The following RERE variants were observed in gnomAD, a reference collection of about 807,000 sequenced individuals.
RERE encodes the protein arginine-glutamic acid dipeptide repeats protein.
A neutral mutation model predicts 146.1 loss-of-function variants in RERE; 40 were observed. That is an observed-to-expected ratio of 0.27 (90% CI 0.21 to 0.36). The LOEUF (loss-of-function observed/expected upper bound fraction) is 0.36. Among genes scored for constraint, RERE ranks in the 10% least tolerant of loss-of-function variants. RERE has a pLI of 1.00. For synonymous variants in RERE, 1,003 were observed against 866.0 expected, an observed-to-expected ratio of 1.16 and a Z score of -2.78; for missense variants, 1,933 against 2,138.7, an observed-to-expected ratio of 0.90 and a Z score of 1.90.
intron 1 of RERE, among the ~76,000 whole-genome samples, chr1:8,780,850 G>A (rs1487585916): frequency 2.1e-4 from 32 of 152,110 alleles, no homozygotes; most frequent in Admixed American, 2.1e-3. Context: ...GAATTCCCAA[G>A]CACCACTTGC....
chr1:8,601,304 C>A (rs889419735), intron 4 of RERE, among the ~76,000 whole-genome samples: 3 of 152,222 alleles, frequency 2.0e-5, no homozygotes, highest in Middle Eastern at 3.4e-3. Flanking sequence ...AGGGATGAGC[C>A]ACCATGCCTG....
intron 1 of RERE, chr1:8,750,331 G>C (rs1640507310): frequency 1.7e-6 from 1 of 591,348 alleles, no homozygotes; most frequent in Non-Finnish European, 3.0e-6. Flanking sequence ...GGGTGGTAAA[G>C]TGCTACATGT....
At chr1:8,379,942 C>A (rs184018369) in intron 12 of RERE, among the ~76,000 whole-genome samples, 3 of 152,218 alleles carry the variant, frequency 2.0e-5, no homozygotes, top group Admixed American at 2.0e-4. Flanking sequence ...AAACTCACCA[C>A]AGCACACCTT....
intron 1 of RERE, among the ~76,000 whole-genome samples, chr1:8,659,623 A>G (rs1383010493): frequency 6.6e-6 from 1 of 152,244 alleles, no homozygotes; most frequent in Admixed American, 6.5e-5. Context: ...TTGACCCTGA[A>G]AACTCATCAG....
At chr1:8,696,707 C>T (rs907383932) in intron 1 of RERE, among the ~76,000 whole-genome samples, 18 of 151,522 alleles carry the variant, frequency 1.2e-4, no homozygotes, top group Admixed American at 1.3e-4. Context: ...GTCAGGAGTT[C>T]GAGACCAGCC....
rs1640255932 is a variant in RERE at position 8,738,964 on chromosome 1, A to G, written c.-145+78196T>C. On this transcript the variant is annotated intron_variant, in intron 1 of 22. Transcript: ENST00000400908. ...CTGCACTTAAAATTGGTCATGTCCC[A>G]AACTCTGTCCATCTCTCTCCCCAAA... 2.0e-5 allele frequency among the ~76,000 whole-genome samples: 3 copies of G among 152,314 alleles called. No homozygotes were observed. In the South Asian group the frequency reaches 6.2e-4, roughly 32 times the overall value.
chr1:8,391,816 G>A (rs544313625), intron 12 of RERE, among the ~76,000 whole-genome samples: 107 of 152,190 alleles, frequency 7.0e-4, no homozygotes, highest in African/African-American at 1.9e-3. Flanking sequence ...CAGGTGGATC[G>A]CCTGAGGTCA....
chr1:8,785,555 G>A (rs913578968), intron 1 of RERE, among the ~76,000 whole-genome samples: 1 of 152,164 alleles, frequency 6.6e-6, no homozygotes, highest in Non-Finnish European at 1.5e-5. Context: ...GGAATTTCAA[G>A]GATACAGAAT....
chr1:8,576,696 A>G (rs1378788923), intron 4 of RERE, among the ~76,000 whole-genome samples: 5 of 152,254 alleles, frequency 3.3e-5, no homozygotes, highest in Non-Finnish European at 5.9e-5. Context: ...TATTGCTCAT[A>G]CTGGCAAATA....
At chr1:8,786,746 AC>A in intron 1 of RERE, 1 of 778,340 alleles carries the variant, frequency 1.3e-6, no homozygotes, top group Non-Finnish European at 2.3e-6. Context: ...TCAGTTCTGT[AC>A]ATCTGCCTAT....
At chr1:8,505,030 C>G (rs1265624513) in intron 8 of RERE, among the ~76,000 whole-genome samples, 2 of 152,144 alleles carry the variant, frequency 1.3e-5, no homozygotes, top group East Asian at 1.9e-4. Flanking sequence ...ATGCAAAGAG[C>G]AAAGTAACAA....
chr1:8,812,998 C>T (rs1641842511), intron 1 of RERE, among the ~76,000 whole-genome samples: 1 of 151,846 alleles, frequency 6.6e-6, no homozygotes, highest in African/African-American at 2.4e-5. Context: ...AGAAACCAAA[C>T]ATAAGCCAAA....
intron 12 of RERE, among the ~76,000 whole-genome samples, chr1:8,367,188 C>T (rs1180171689): frequency 1.3e-5 from 2 of 152,110 alleles, no homozygotes; most frequent in Non-Finnish European, 2.9e-5. Context: ...ACAAACCAAA[C>T]AAAGACATGT....
At chr1:8,656,526 T>C (rs189342783) in intron 1 of RERE, 85 bp from the exon 2 acceptor site, 203 of 580,024 alleles carry the variant, frequency 3.5e-4, no homozygotes, top group Non-Finnish European at 5.1e-4. Context: ...TCTTACTTAT[T>C]CATGCTTTAC....
intron 3 of RERE, among the ~76,000 whole-genome samples, chr1:8,618,207 G>A (rs577288536): frequency 1.4e-4 from 22 of 152,312 alleles, no homozygotes; most frequent in African/African-American, 5.3e-4. Context: ...CACAATCAGT[G>A]TCATTCTATG....
At chr1:8,430,083 A>AT (rs529721427) in intron 11 of RERE, 95 of 152,344 alleles carry the variant, frequency 6.2e-4, no homozygotes, top group African/African-American at 2.1e-3. Context: ...AAACCACTGG[A>AT]TGAGAACTGT....
At chr1:8,410,769 A>T (rs1643593568) in intron 12 of RERE, among the ~76,000 whole-genome samples, 1 of 152,202 alleles carries the variant, frequency 6.6e-6, no homozygotes. Flanking sequence ...CCAAGCCTTC[A>T]TCCTCCCATT....
chr1:8,544,431 G>A (rs995332893), intron 6 of RERE, among the ~76,000 whole-genome samples: 1 of 152,010 alleles, frequency 6.6e-6, no homozygotes, highest in African/African-American at 2.4e-5. Flanking sequence ...TCGTATATAT[G>A]TACAATAAAA....
At chr1:8,751,792 AAG>A (rs1353933755) in intron 1 of RERE, among the ~76,000 whole-genome samples, 7 of 142,512 alleles carry the variant, frequency 4.9e-5, no homozygotes, top group African/African-American at 1.9e-4. Flanking sequence ...AAAAAAAAAA[AAG>A]AACTTACATT....
Sources: gnomAD v4.1 joint callset for allele counts (sites outside exome capture counted in the v4.1 genomes callset) on GRCh38, gnomAD v4.1.1 for gene constraint, MANE v1.5 for transcripts, NCBI Gene and HGNC (gene_info 2026-07-23, HGNC 2026-07-21) for gene names.